The following DZANK1 variants were observed in gnomAD, a reference collection of about 807,000 sequenced individuals.
DZANK1 encodes the protein double zinc ribbon and ankyrin repeat-containing protein 1.
In DZANK1, 91 loss-of-function variants were observed where a neutral mutation model predicts 94.5. The observed-to-expected ratio is 0.96, with a 90% CI of 0.81 to 1.15. DZANK1 has a LOEUF of 1.15. Ranked by LOEUF, DZANK1 falls within the 50% of genes most tolerant of loss-of-function variation. The pLI is 0.00. For synonymous variants in DZANK1, 312 were observed against 325.3 expected, an observed-to-expected ratio of 0.96 and a Z score of 0.44; for missense variants, 903 against 916.4, an observed-to-expected ratio of 0.99 and a Z score of 0.19.
chr20:18,465,358 TTTTCTC>T, exon 2 of DZANK1: 1 of 1,520,040 alleles, frequency 6.6e-7, no homozygotes, highest in Non-Finnish European at 9.0e-7. Flanking sequence ...CCAGCAGTCA[TTTTCTC>T]TCTCTCTCTC....
chr20:18,466,925 T>G (rs932010440), intron 1 of DZANK1, 71 bp downstream of exon 1: 1 of 152,826 alleles, frequency 6.5e-6, no homozygotes, highest in African/African-American at 2.4e-5. Flanking sequence ...CCTCTTCCTC[T>G]AACCGCGGGG....
chr20:18,390,325 G>A, intron 18 of DZANK1, 54 bp downstream of exon 18: 2 of 1,530,872 alleles, frequency 1.3e-6, no homozygotes, highest in Admixed American at 1.7e-5. Flanking sequence ...GGAGACAGAG[G>A]TGGAATGCCA....
intron 7 of DZANK1, among the ~76,000 whole-genome samples, chr20:18,446,998 A>C (rs1470738897): frequency 6.6e-6 from 1 of 152,258 alleles, no homozygotes; most frequent in African/African-American, 2.4e-5. Context: ...CTTCAGGTAG[A>C]TATATTTCAG....
intron 10 of DZANK1, chr20:18,420,340 TG>T: frequency 5.8e-6 from 1 of 172,636 alleles, no homozygotes; most frequent in East Asian, 1.6e-4. Flanking sequence ...CACTGCAGGG[TG>T]GGTAGGGAGC....
At chr20:18,427,151 T>C (rs977295124) in exon 10 of DZANK1, 2 of 1,612,258 alleles carry the variant, frequency 1.2e-6, no homozygotes, top group East Asian at 2.2e-5. Flanking sequence ...CCCGGCAAAT[T>C]ACCTTCTCCT....
chr20:18,391,310 T>C (rs1394518519), intron 17 of DZANK1, among the ~76,000 whole-genome samples: 2 of 152,274 alleles, frequency 1.3e-5, no homozygotes, highest in East Asian at 3.9e-4. Context: ...CCTGGCTCAC[T>C]GCAACCTCCG....
intron 10 of DZANK1, among the ~76,000 whole-genome samples, chr20:18,422,173 C>T (rs893426835): frequency 3.9e-5 from 6 of 152,166 alleles, no homozygotes; most frequent in Admixed American, 1.3e-4. Context: ...CTATGTTTTC[C>T]AATAGAAGTT....
At chr20:18,395,068 A>G (rs754630737) in intron 15 of DZANK1, among the ~76,000 whole-genome samples, 1 of 152,190 alleles carries the variant, frequency 6.6e-6, no homozygotes, top group Non-Finnish European at 1.5e-5. Flanking sequence ...CAAAAGATTT[A>G]TTAAACCTAG....
At chr20:18,394,599 G>A (rs556322653) in intron 15 of DZANK1, 42 of 659,078 alleles carry the variant, frequency 6.4e-5, no homozygotes, top group South Asian at 2.8e-4. Context: ...CAGCCCCCTC[G>A]TCTCACATTG....
Position 18,441,017 on chromosome 20 carries a change from CCTCTGGTT to C in DZANK1, c.747+2322_747+2329del, listed in dbSNP as rs1207709593. Among the ~76,000 whole-genome samples the C allele has an allele frequency of 6.6e-6, 1 of 152,110 alleles. No individual in the cohort carries two copies. The highest frequency in any genetic ancestry group is 1.5e-5 in the Non-Finnish European group (1 of 68,022). Reference sequence around the variant, plus strand: ...TATTATTTTGGGCTGTCATAGGAGCCCTCTGGTTCCTGCACCATGACTTAAAGGTCCTG... The same window carrying C: ...TATTATTTTGGGCTGTCATAGGAGCCCCTGCACCATGACTTAAAGGTCCTG... On this transcript the variant is annotated intron_variant, in intron 8 of 20. Transcript: ENST00000262547. The surrounding 1 kb of genome is among the most constrained non-coding windows in gnomAD (Gnocchi z 4.1).
chr20:18,384,282 C>G, exon 21 of DZANK1: 2 of 1,115,172 alleles, frequency 1.8e-6, no homozygotes, highest in Non-Finnish European at 2.5e-6. Flanking sequence ...TGGTCTTGAA[C>G]TCCCAACCTC....
At chr20:18,431,784 T>C (rs2058295823) in intron 9 of DZANK1, among the ~76,000 whole-genome samples, 1 of 152,182 alleles carries the variant, frequency 6.6e-6, no homozygotes, top group Non-Finnish European at 1.5e-5. Flanking sequence ...AGGTGCCATC[T>C]CCTATAACCC....
intron 10 of DZANK1, among the ~76,000 whole-genome samples, chr20:18,419,338 G>A (rs2057655503): frequency 6.6e-6 from 1 of 151,974 alleles, no homozygotes; most frequent in East Asian, 1.9e-4. Context: ...TGTGTACATG[G>A]ACTTCCAGAC....
intron 8 of DZANK1, among the ~76,000 whole-genome samples, chr20:18,442,847 T>A (rs2058753367): frequency 6.6e-6 from 1 of 152,056 alleles, no homozygotes; most frequent in African/African-American, 2.4e-5. Context: ...AGTATGTTTT[T>A]TAACTATCTA....
intron 15 of DZANK1, among the ~76,000 whole-genome samples, chr20:18,395,448 T>C (rs1600737631): frequency 6.6e-6 from 1 of 152,188 alleles, no homozygotes; most frequent in East Asian, 1.9e-4. Context: ...AGCTAGCACA[T>C]TGGAGGTGCT....
intron 3 of DZANK1, among the ~76,000 whole-genome samples, chr20:18,456,317 A>G (rs556576429): frequency 2.0e-5 from 3 of 152,350 alleles, no homozygotes; most frequent in South Asian, 2.1e-4. Flanking sequence ...TAAGAGCTTC[A>G]TAAGAAGACA....
chr20:18,390,696 T>G (rs1270524056), intron 17 of DZANK1, among the ~76,000 whole-genome samples: 1 of 152,162 alleles, frequency 6.6e-6, no homozygotes, highest in Admixed American at 6.5e-5. Flanking sequence ...TATTTTATAT[T>G]AAGGACAAGG....
intron 5 of DZANK1, 60 bp from the exon 6 acceptor site, chr20:18,452,799 A>C: frequency 6.8e-7 from 1 of 1,477,530 alleles, no homozygotes; most frequent in Non-Finnish European, 9.0e-7. Flanking sequence ...AATCATACAA[A>C]GATATCTTCA....
At chr20:18,395,273 A>T (rs1042327616) in intron 15 of DZANK1, among the ~76,000 whole-genome samples, 1 of 152,164 alleles carries the variant, frequency 6.6e-6, no homozygotes, top group African/African-American at 2.4e-5. Context: ...AGGAACGAGA[A>T]TTGCTGGAAC....
Sources: gnomAD v4.1 joint callset for allele counts (sites outside exome capture counted in the v4.1 genomes callset) on GRCh38, gnomAD v4.1.1 for gene constraint, Gnocchi (gnomAD v3.1) non-coding constraint, MANE v1.5 for transcripts, NCBI Gene and HGNC (gene_info 2026-07-23, HGNC 2026-07-21) for gene names.